The following AUTS2 variants were observed in gnomAD, a reference collection of about 807,000 sequenced individuals.
AUTS2 encodes activator of transcription and developmental regulator AUTS2, also known as autism susceptibility gene 2 protein.
A neutral mutation model predicts 112.4 loss-of-function variants in AUTS2; 17 were observed. That is an observed-to-expected ratio of 0.15 (90% CI 0.10 to 0.23). The LOEUF (loss-of-function observed/expected upper bound fraction) is 0.23, where lower values mean the gene tolerates loss of function less well. AUTS2 is among the 10% of genes least tolerant of loss of function. AUTS2 has a pLI of 1.00. For missense variants in AUTS2, 1,510 were observed against 1,701.6 expected (o/e 0.89, Z 1.98); for synonymous variants, 751 against 702.7 (o/e 1.07, Z -1.09).
At chr7:70,078,213 C>T (rs970803897) in intron 2 of AUTS2, among the ~76,000 whole-genome samples, 26 of 150,806 alleles carry the variant, frequency 1.7e-4, no homozygotes, top group African/African-American at 5.2e-4. Flanking sequence ...GTACCAAACC[C>T]TTTCCATACT....
At chr7:70,553,032 C>CT (rs1415361905) in intron 5 of AUTS2, among the ~76,000 whole-genome samples, 2 of 152,168 alleles carry the variant, frequency 1.3e-5, no homozygotes, top group Admixed American at 1.3e-4. Flanking sequence ...AGCAGAAGGC[C>CT]TGGAGCAAAT....
At chr7:69,753,413 C>A (rs1322626883) in intron 1 of AUTS2, among the ~76,000 whole-genome samples, 1 of 151,986 alleles carries the variant, frequency 6.6e-6, no homozygotes, top group East Asian at 1.9e-4. Context: ...AGGATGCCCT[C>A]CATTTCTGGA....
At chr7:70,343,532 A>G (rs543710477) in intron 4 of AUTS2, among the ~76,000 whole-genome samples, 1 of 152,350 alleles carries the variant, frequency 6.6e-6, no homozygotes, top group African/African-American at 2.4e-5. Flanking sequence ...TGGAACATAA[A>G]CAGTTAAAAG....
intron 5 of AUTS2, among the ~76,000 whole-genome samples, chr7:70,485,284 G>A (rs542540412): frequency 6.6e-6 from 1 of 152,256 alleles, no homozygotes; most frequent in South Asian, 2.1e-4. Flanking sequence ...TATACACCAT[G>A]GAATACTACT....
At position 69,598,539 on chromosome 7, in the gene AUTS2, T is replaced by TCGG. The variant is rs1412144957; in HGVS notation, c.-1101_-1099dup. The TCGG allele has an allele frequency of 1.8e-4, 29 of 165,182 alleles. No homozygotes were observed. The highest frequency in any genetic ancestry group is 3.7e-4 in the African/African-American group (14 of 38,132). The allele number at this position is 165,182 out of a possible 1,614,324, so 10.2% of individuals were successfully genotyped here. ...GTGCACCCTCCGGCTCGGGGCTTTC[T>TCGG]CGGCGGCGGCGGCGGCAGCAGCAGC... is the stretch of plus-strand genomic sequence containing the variant. On this transcript the variant is annotated 5_prime_UTR_variant, in exon 1 of 19. Transcript: ENST00000342771.
intron 1 of AUTS2, among the ~76,000 whole-genome samples, chr7:69,705,586 T>A (rs1798029960): frequency 1.3e-5 from 2 of 152,240 alleles, no homozygotes; most frequent in Admixed American, 6.5e-5. Flanking sequence ...GAACAAATTG[T>A]CAGCCCTCAT....
At chr7:69,600,840 T>C (rs1174719006) in intron 1 of AUTS2, among the ~76,000 whole-genome samples, 6 of 152,004 alleles carry the variant, frequency 3.9e-5, no homozygotes, top group Non-Finnish European at 8.8e-5. Flanking sequence ...CCCTCTCCCT[T>C]TCCTTTTTTG....
At chr7:70,005,744 G>A (rs962598587) in intron 2 of AUTS2, among the ~76,000 whole-genome samples, 1 of 152,160 alleles carries the variant, frequency 6.6e-6, no homozygotes, top group African/African-American at 2.4e-5. Flanking sequence ...GGAAGTGGCT[G>A]ATGAAGCCTG....
chr7:70,588,223 G>A (rs1245217833), intron 5 of AUTS2, among the ~76,000 whole-genome samples: 1 of 152,190 alleles, frequency 6.6e-6, no homozygotes, highest in Non-Finnish European at 1.5e-5. Context: ...AGCAAAGAAA[G>A]AAATCGGTGT....
At chr7:70,134,635 T>C in intron 4 of AUTS2, 64 bp downstream of exon 4, 2 of 1,438,302 alleles carry the variant, frequency 1.4e-6, no homozygotes, top group South Asian at 1.1e-5. Context: ...CTATAATGAA[T>C]GCTCATTGGG....
At chr7:70,620,426 A>G (rs893986487) in intron 5 of AUTS2, among the ~76,000 whole-genome samples, 31 of 152,064 alleles carry the variant, frequency 2.0e-4, no homozygotes, top group African/African-American at 5.6e-4. Context: ...TGAAGACCAC[A>G]TCTTATGGGC....
intron 4 of AUTS2, among the ~76,000 whole-genome samples, chr7:70,139,946 A>T (rs1367256940): frequency 1.1e-4 from 16 of 152,180 alleles, no homozygotes; most frequent in Non-Finnish European, 1.8e-4. Context: ...GGTTGCAGTG[A>T]GACAGGATGG....
At chr7:70,779,280 CCT>C (rs1322091000) in intron 14 of AUTS2, among the ~76,000 whole-genome samples, 1 of 152,144 alleles carries the variant, frequency 6.6e-6, no homozygotes, top group Non-Finnish European at 1.5e-5. Flanking sequence ...TTACATCTTC[CCT>C]CTCTCTGTAA....
chr7:70,649,200 A>C (rs569962807), intron 5 of AUTS2, among the ~76,000 whole-genome samples: 1 of 148,446 alleles, frequency 6.7e-6, no homozygotes, highest in Non-Finnish European at 1.5e-5. Context: ...AGACCTTTAG[A>C]TTAGAAGTTT....
At chr7:70,249,003 T>C (rs2129603498) in intron 4 of AUTS2, among the ~76,000 whole-genome samples, 1 of 152,352 alleles carries the variant, frequency 6.6e-6, no homozygotes, top group Non-Finnish European at 1.5e-5. Flanking sequence ...TTTAGAGAAT[T>C]TTTACTATGG....
intron 2 of AUTS2, among the ~76,000 whole-genome samples, chr7:69,917,456 A>T (rs1403243608): frequency 2.1e-5 from 3 of 145,940 alleles, no homozygotes; most frequent in African/African-American, 8.4e-5. Context: ...ACTAAATCAG[A>T]AATGGACTAT....
chr7:69,747,804 T>C (rs1351477907), intron 1 of AUTS2, among the ~76,000 whole-genome samples: 2 of 151,412 alleles, frequency 1.3e-5, no homozygotes, highest in Non-Finnish European at 2.9e-5. Context: ...TGTGTGTGTG[T>C]GTGTGTGTGT....
At chr7:69,822,831 A>G (rs1791058192) in intron 1 of AUTS2, among the ~76,000 whole-genome samples, 1 of 152,240 alleles carries the variant, frequency 6.6e-6, no homozygotes, top group African/African-American at 2.4e-5. Flanking sequence ...CCATGAGATC[A>G]TACATATGGC....
rs560396301 is a variant in AUTS2, at chr7:70,356,811, G to A, written c.661-78941G>A. 4.0e-5 allele frequency among the ~76,000 whole-genome samples: 6 copies of A among 150,604 alleles called. No individual in the cohort carries two copies. The South Asian group carries it at 8.4e-4, about 21-fold the overall frequency. On this transcript the variant is annotated intron_variant, in intron 4 of 18. Transcript: ENST00000342771. ...TCAGTGGAGACTTTGTTTAAACAAA[G>A]GGCGTTTTTATGATGGATAGAAGTG...
Sources: gnomAD v4.1 joint callset for allele counts (sites outside exome capture counted in the v4.1 genomes callset) on GRCh38, gnomAD v4.1.1 for gene constraint, MANE v1.5 for transcripts, NCBI Gene and HGNC (gene_info 2026-07-23, HGNC 2026-07-21) for gene names.